PTER: variants seen among roughly 807,000 people sequenced by gnomAD.
PTER encodes N-acetyltaurine hydrolase.
In PTER, 38 loss-of-function variants were observed where a neutral mutation model predicts 29.6. The observed-to-expected ratio is 1.28, with a 90% CI of 0.99 to 1.68. PTER has a LOEUF of 1.68. PTER is among the 40% of genes most tolerant of loss of function. The probability of loss-of-function intolerance (pLI) is 0.00; values close to 1 mark genes in which losing one functional copy is unlikely to be tolerated. For missense variants in PTER, 482 were observed against 427.8 expected (o/e 1.13, Z -1.12); for synonymous variants, 172 against 154.5 (o/e 1.11, Z -0.84).
intron 1 of PTER, among the ~76,000 whole-genome samples, chr10:16,448,119 G>T (rs556161611): frequency 3.9e-5 from 6 of 152,298 alleles, no homozygotes; most frequent in Non-Finnish European, 7.4e-5. Context: ...GCCAAGAGCT[G>T]TCTCTCAAAA....
rs181825787 is a variant in PTER at position 16,448,939 on chromosome 10, A to G, written c.-49+11892A>G. Among the ~76,000 whole-genome samples the G allele has an allele frequency of 1.8e-3, 278 of 152,334 alleles. 2 individuals are homozygous for G. The highest frequency in any genetic ancestry group is 0.01 in the Middle Eastern group (3 of 294). Reference sequence around the variant, plus strand: ...GGAGATTTATTAATTTTCACAAGCAATGAAACCACATCTGGTACAGCAGCT... The same window carrying G: ...GGAGATTTATTAATTTTCACAAGCAGTGAAACCACATCTGGTACAGCAGCT... On this transcript the variant is annotated intron_variant, in intron 1 of 4. Transcript: ENST00000535784.
intron 1 of PTER, among the ~76,000 whole-genome samples, chr10:16,474,216 G>A (rs1265487907): frequency 6.6e-6 from 1 of 152,186 alleles, no homozygotes; most frequent in Non-Finnish European, 1.5e-5. Context: ...CAGAATAGAA[G>A]TTGCATAACA....
chr10:16,491,118 A>G (rs1242656844), intron 3 of PTER, among the ~76,000 whole-genome samples: 2 of 152,154 alleles, frequency 1.3e-5, no homozygotes, highest in Non-Finnish European at 1.5e-5. Flanking sequence ...TTGACCTGAC[A>G]TCAGACAAAC....
At chr10:16,516,409 A>T (rs916883149), downstream of PTER, among the ~76,000 whole-genome samples, 1 of 152,180 alleles carries the variant, frequency 6.6e-6, no homozygotes, top group African/African-American at 2.4e-5. Context: ...TACAAGAAGG[A>T]TATTGCTATT....
chr10:16,480,633 C>T (rs2133441237), intron 1 of PTER, among the ~76,000 whole-genome samples: 1 of 152,250 alleles, frequency 6.6e-6, no homozygotes, highest in Admixed American at 6.5e-5. Context: ...GAGAAGCTCT[C>T]CTCATTCACA....
downstream of PTER, chr10:16,514,320 T>C: frequency 1.7e-6 from 1 of 579,840 alleles, no homozygotes; most frequent in Non-Finnish European, 3.0e-6. Flanking sequence ...TTGGCGGTAG[T>C]GGATCACACA....
intron 3 of PTER, among the ~76,000 whole-genome samples, chr10:16,487,492 A>G (rs113958331): frequency 0.018 from 2,751 of 152,250 alleles, 78 homozygotes; most frequent in African/African-American, 0.062. Flanking sequence ...AATCCAGAAT[A>G]ATCTCATCTC....
At chr10:16,474,624 A>G (rs1247664725) in intron 1 of PTER, among the ~76,000 whole-genome samples, 2 of 152,106 alleles carry the variant, frequency 1.3e-5, no homozygotes, top group Admixed American at 1.3e-4. Context: ...TTCGTGGGTG[A>G]CAACTGTAAT....
intron 4 of PTER, 134 bp from the exon 5 acceptor site, chr10:16,510,912 C>G (rs779309841): frequency 1.3e-5 from 9 of 700,764 alleles, no homozygotes; most frequent in Admixed American, 2.3e-5. Context: ...TTAAAGGTCT[C>G]TCAGTACACA....
chr10:16,510,189 T>C (rs1392450802), intron 4 of PTER, among the ~76,000 whole-genome samples: 1 of 152,178 alleles, frequency 6.6e-6, no homozygotes, highest in Non-Finnish European at 1.5e-5. Context: ...CGACAGACAC[T>C]GCCCAGAGTC....
intron 1 of PTER, among the ~76,000 whole-genome samples, chr10:16,452,677 A>ATTCTCC (rs149744029): frequency 2.6e-4 from 39 of 150,204 alleles, no homozygotes; most frequent in African/African-American, 6.4e-4. Context: ...GCTGATGATG[A>ATTCTCC]TTCTCCTTCT....
intron 1 of PTER, among the ~76,000 whole-genome samples, chr10:16,481,959 A>G (rs1003865757): frequency 1.3e-5 from 2 of 152,170 alleles, no homozygotes; most frequent in African/African-American, 4.8e-5. Context: ...TAAGACACTG[A>G]ACAGTAAATT....
intron 3 of PTER, among the ~76,000 whole-genome samples, chr10:16,491,290 G>A (rs1835889207): frequency 6.6e-6 from 1 of 152,292 alleles, no homozygotes; most frequent in Middle Eastern, 3.4e-3. Context: ...AGAAAAAGCA[G>A]TGCATTCGGA....
intron 1 of PTER, among the ~76,000 whole-genome samples, chr10:16,466,861 A>C (rs1834854608): frequency 6.6e-6 from 1 of 152,250 alleles, no homozygotes; most frequent in South Asian, 2.1e-4. Context: ...CCTTAGCAAG[A>C]AATTCCTGAG....
rs1836508215 is a variant in PTER at position 16,505,079 on chromosome 10, A to G, written c.758A>G (p.Tyr253Cys). The G allele has an allele frequency of 1.2e-6, 2 of 1,614,060 alleles. No homozygotes were observed. The highest frequency in any genetic ancestry group is 2.7e-5 in the African/African-American group (2 of 75,054). The change falls in exon 4 of 5, where the codon TAT becomes TGT. Residue 253 changes from tyrosine (Y) to cysteine (C), a missense_variant. By Grantham distance (194) the Tyr-to-Cys change is radical (BLOSUM62 -2). Transcript: ENST00000535784. ...EFAQLGCYLE[Y>C]DLFGTELLHY... The stretch of plus-strand genomic sequence containing the variant: ...GCTCAACTTGGCTGCTACTTGGAAT[A>G]TGATCTCTTTGGTACTGAACTACTT...
chr10:16,494,858 A>T (rs1325213113), intron 3 of PTER, among the ~76,000 whole-genome samples: 1 of 152,186 alleles, frequency 6.6e-6, no homozygotes, highest in Non-Finnish European at 1.5e-5. Context: ...GTTGCAGTGG[A>T]GCTGTCATTA....
intron 4 of PTER, 65 bp downstream of exon 4, chr10:16,505,225 G>A: frequency 6.4e-7 from 1 of 1,564,858 alleles, no homozygotes; most frequent in African/African-American, 1.4e-5. Flanking sequence ...TCATATCTAG[G>A]GAAGTATTAG....
intron 3 of PTER, among the ~76,000 whole-genome samples, chr10:16,499,119 T>C (rs1836232273): frequency 6.6e-6 from 1 of 152,140 alleles, no homozygotes; most frequent in Non-Finnish European, 1.5e-5. Context: ...TGAGTTTATC[T>C]TTTCTGAGAC....
intron 1 of PTER, among the ~76,000 whole-genome samples, chr10:16,448,198 C>T (rs542175287): frequency 9.8e-5 from 15 of 152,312 alleles, no homozygotes; most frequent in Non-Finnish European, 1.9e-4. Context: ...GCTGTGATTC[C>T]CCTATGGGAG....
Sources: gnomAD v4.1 joint callset for allele counts (sites outside exome capture counted in the v4.1 genomes callset) on GRCh38, gnomAD v4.1.1 for gene constraint, MANE v1.5 for transcripts, NCBI Gene and HGNC (gene_info 2026-07-23, HGNC 2026-07-21) for gene names.